The following IL16 variants were observed in gnomAD, a reference collection of about 807,000 sequenced individuals.
IL16 encodes interleukin 16.
Under a neutral mutation model 110.1 loss-of-function variants are expected in IL16, and 67 were observed. The observed-to-expected ratio is 0.61, with a 90% CI of 0.50 to 0.75. IL16 has a LOEUF of 0.75. IL16 is among the 30% of genes least tolerant of loss of function. The pLI is 0.00. For missense variants in IL16, 1,545 were observed against 1,655.0 expected (o/e 0.93, Z 1.15); for synonymous variants, 689 against 662.9 (o/e 1.04, Z -0.61).
intron 11 of IL16, 24 bp downstream of exon 11, chr15:81,290,564 T>C: frequency 2.0e-6 from 3 of 1,501,738 alleles, no homozygotes; most frequent in Non-Finnish European, 2.8e-6. Context: ...TGAACTTTGA[T>C]GTAAAATATC....
intron 2 of IL16, among the ~76,000 whole-genome samples, chr15:81,228,467 C>G (rs1287277516): frequency 1.3e-5 from 2 of 151,962 alleles, no homozygotes; most frequent in South Asian, 2.1e-4. Flanking sequence ...ATTACAGGAG[C>G]CTGCCACTAC....
intron 2 of IL16, among the ~76,000 whole-genome samples, chr15:81,231,348 C>A (rs1029556738): frequency 2.9e-5 from 4 of 138,832 alleles, no homozygotes; most frequent in Admixed American, 7.2e-5. Context: ...CTCTCTCTCT[C>A]TCTCTCTCTC....
intron 2 of IL16, among the ~76,000 whole-genome samples, chr15:81,236,091 G>A (rs558183707): frequency 6.6e-6 from 1 of 152,182 alleles, no homozygotes; most frequent in South Asian, 2.1e-4. Context: ...AAAGTAATTG[G>A]TCAGACAGTG....
At chr15:81,221,872 A>G (rs1896628288) in intron 1 of IL16, among the ~76,000 whole-genome samples, 2 of 152,140 alleles carry the variant, frequency 1.3e-5, no homozygotes, top group African/African-American at 4.8e-5. Context: ...AGCTGCCGGT[A>G]CTCATCAGAC....
intron 9 of IL16, among the ~76,000 whole-genome samples, chr15:81,285,048 T>G (rs1011918190): frequency 6.6e-6 from 1 of 152,108 alleles, no homozygotes; most frequent in Non-Finnish European, 1.5e-5. Flanking sequence ...ATACAAATCT[T>G]CCATGTATCT....
rs535878218 is a variant in IL16, at chr15:81,309,114, G to A, written c.*316G>A. On this transcript the variant is annotated 3_prime_UTR_variant, in exon 19 of 19. Transcript: ENST00000683961. ...TCATATGACATTCATGCCTGGCTTC[G>A]CAAAATGTTTCAAGTACTGTAACTG... is the stretch of plus-strand genomic sequence containing the variant. 6.8e-5 allele frequency: 18 copies of A among 266,120 alleles called. No individual in the cohort carries two copies. The highest frequency in any genetic ancestry group is 2.0e-4 in the South Asian group (2 of 9,972). The allele number at this position is 266,120 out of a possible 1,614,324, so 16.5% of individuals were successfully genotyped here. A position where few individuals can be genotyped will look rare whatever the true frequency, so the allele number is the denominator to read the frequency against.
chr15:81,261,250 C>A lies in IL16; in HGVS notation c.421+1370C>A, dbSNP rs750316489. 3.3e-4 allele frequency among the ~76,000 whole-genome samples: 50 copies of A among 152,118 alleles called. 1 individual carries two copies. The highest frequency in any genetic ancestry group is 1.0e-4 in the Non-Finnish European group (7 of 68,018). ...AAAAGGTAGAAGAAAATCTTTGAAC[C>A]AGGTTGGGATTCTTCAATCACAGGG... On this transcript the variant is annotated intron_variant, in intron 3 of 18. Coordinates refer to ENST00000683961, the MANE Select transcript of IL16 (RefSeq NM_172217.5).
intron 2 of IL16, among the ~76,000 whole-genome samples, chr15:81,252,389 A>G (rs905664770): frequency 2.0e-5 from 3 of 152,358 alleles, no homozygotes; most frequent in South Asian, 2.1e-4. Flanking sequence ...TGCTGGCAAC[A>G]AGGTGCAGAG....
At chr15:81,283,376 CA>C (rs150622970) in intron 9 of IL16, among the ~76,000 whole-genome samples, 27,714 of 150,808 alleles carry the variant, frequency 0.18, 2,706 homozygotes, top group Middle Eastern at 0.25. Context: ...ACCAAACAAA[CA>C]AAAAAAAGAG....
chr15:81,226,208 T>G (rs1446020758), intron 2 of IL16, among the ~76,000 whole-genome samples: 1 of 152,202 alleles, frequency 6.6e-6, no homozygotes, highest in African/African-American at 2.4e-5. Context: ...TCTGCCATTT[T>G]CAACATAGGT....
At chr15:81,232,937 C>G (rs1897059331) in intron 2 of IL16, among the ~76,000 whole-genome samples, 1 of 152,008 alleles carries the variant, frequency 6.6e-6, no homozygotes, top group Non-Finnish European at 1.5e-5. Flanking sequence ...TACATTGGTG[C>G]TATACTTTTT....
At chr15:81,289,320 C>T (rs1043138698) in intron 10 of IL16, among the ~76,000 whole-genome samples, 6 of 151,988 alleles carry the variant, frequency 3.9e-5, no homozygotes, top group South Asian at 2.1e-4. Context: ...TTTTTAGTAG[C>T]GATGGGCTTT....
chr15:81,269,507 AT>A lies in IL16; in HGVS notation c.565-30del, dbSNP rs754153167. The stretch of plus-strand genomic sequence containing the variant: ...CATGTGCTGCTGTCCTATGTGGCTA[AT>A]CTTCTGCCTACTCTGGTTCCTTGTT... On this transcript the variant is annotated intron_variant, in intron 4 of 18. Transcript: ENST00000683961. 2.7e-6 allele frequency: 4 copies of A among 1,492,740 alleles called. No individual in the cohort carries two copies. The African/African-American group carries it at 5.5e-5, about 21-fold the overall frequency. The allele number at this position is 1,492,740 out of a possible 1,614,324, so 92.5% of individuals were successfully genotyped here.
At chr15:81,188,257 C>G (rs1228277949) in intron 1 of IL16, 13 of 447,180 alleles carry the variant, frequency 2.9e-5, no homozygotes, top group African/African-American at 2.0e-4. Context: ...TTTCAGCCGT[C>G]TGAATCGCTA....
At chr15:81,294,267 A>ATGT in intron 12 of IL16, among the ~76,000 whole-genome samples, 1 of 152,194 alleles carries the variant, frequency 6.6e-6, no homozygotes, top group East Asian at 1.9e-4. Context: ...CACATGATGG[A>ATGT]GTTATCAGAT....
At chr15:81,202,366 T>C (rs946965923) in intron 1 of IL16, among the ~76,000 whole-genome samples, 6 of 152,164 alleles carry the variant, frequency 3.9e-5, no homozygotes, top group Non-Finnish European at 8.8e-5. Flanking sequence ...TGTGGTTTCA[T>C]TTTAAAGAAG....
intron 12 of IL16, 138 bp downstream of exon 12, chr15:81,293,175 A>G (rs970967268): frequency 1.1e-6 from 1 of 949,822 alleles, no homozygotes; most frequent in African/African-American, 1.6e-5. Flanking sequence ...GTTGCCTAGG[A>G]CTCAGCTGAG....
At chr15:81,247,171 A>G (rs1422552278) in intron 2 of IL16, among the ~76,000 whole-genome samples, 1 of 132,098 alleles carries the variant, frequency 7.6e-6, no homozygotes, top group East Asian at 2.2e-4. Context: ...AATTTTGTCA[A>G]CTCCCCTATT....
intron 3 of IL16, 131 bp downstream of exon 3, chr15:81,260,011 A>G (rs1055501509): frequency 1.6e-6 from 1 of 625,118 alleles, no homozygotes; most frequent in African/African-American, 1.8e-5. Context: ...TCAGCTTCAT[A>G]GTGTGTGCAT....
Sources: gnomAD v4.1 joint callset for allele counts (sites outside exome capture counted in the v4.1 genomes callset) on GRCh38, gnomAD v4.1.1 for gene constraint, MANE v1.5 for transcripts, NCBI Gene and HGNC (gene_info 2026-07-23, HGNC 2026-07-21) for gene names.